The following MS4A10 variants were observed in gnomAD, a reference collection of about 807,000 sequenced individuals.
MS4A10 encodes the protein membrane spanning 4-domains A10.
In MS4A10, 27 loss-of-function variants were observed where a neutral mutation model predicts 27.7. The ratio of observed to expected loss-of-function variants is 0.98; its 90% confidence interval spans 0.72 to 1.35. MS4A10 has a LOEUF of 1.35. Among genes scored for constraint, MS4A10 ranks in the 40% most tolerant of loss-of-function variants. The pLI is 0.00. For missense variants in MS4A10, 338 were observed against 324.7 expected (o/e 1.04, Z -0.32); for synonymous variants, 139 against 131.2 (o/e 1.06, Z -0.41).
rs754544055 is a variant in MS4A10 at position 60,794,109 on chromosome 11, T to C, written c.492+6T>C. The C allele has an allele frequency of 1.2e-5, 19 of 1,613,852 alleles. No individual in the cohort carries two copies. The highest frequency in any genetic ancestry group is 1.6e-5 in the Non-Finnish European group (19 of 1,179,972). ...GAATGTACCCCAACTCCACGGTGAGTACCCAGGCCTGGAGGGCCCTCTGAC... is the reference window on the plus strand; with the variant it reads ...GAATGTACCCCAACTCCACGGTGAGCACCCAGGCCTGGAGGGCCCTCTGAC... On this transcript the variant is annotated splice_donor_region_variant and intron_variant, in intron 5 of 7. Transcript: ENST00000308287.
chr11:60,799,529 C>G (rs1362907978), intron 7 of MS4A10, among the ~76,000 whole-genome samples: 1 of 152,024 alleles, frequency 6.6e-6, no homozygotes, highest in Non-Finnish European at 1.5e-5. Context: ...GCAATTTTCC[C>G]CTCCAACCCC....
rs1305587908 is a variant in MS4A10, at chr11:60,799,871, A to G, written c.766A>G (p.Thr256Ala). Residue 256 changes from threonine to alanine, a missense_variant, in exon 8 of 8, where the codon ACT becomes GCT. By Grantham distance (58) the Thr-to-Ala change is moderately conservative. Coordinates refer to ENST00000308287, the MANE Select transcript of MS4A10 (RefSeq NM_206893.4). ...AGTTGCCCCGGACACATGGATAGTC[A>G]CTGACGGAGCTGCGATCTGGACCCA... Reference protein sequence around the residue: ...KQVAPDTWIVTDGAAIWTQTA... With the variant: ...KQVAPDTWIVADGAAIWTQTA... 1.2e-6 allele frequency: 2 copies of G among 1,611,942 alleles called. No individual in the cohort carries two copies. Among genetic ancestry groups the G allele is most frequent in the South Asian group, 2.2e-5 (2 of 90,790 alleles).
intron 6 of MS4A10, among the ~76,000 whole-genome samples, chr11:60,796,227 G>A (rs1421170533): frequency 7.4e-6 from 1 of 135,490 alleles, no homozygotes; most frequent in East Asian, 2.0e-4. Context: ...ATGTATGGAT[G>A]GATATAGACG....
intron 4 of MS4A10, 113 bp downstream of exon 4, chr11:60,792,434 C>T (rs940319629): frequency 5.0e-6 from 4 of 807,716 alleles, no homozygotes; most frequent in African/African-American, 1.7e-5. Context: ...TTGCTAAGAG[C>T]AGGCTCTTGC....
intron 7 of MS4A10, 145 bp downstream of exon 7, chr11:60,798,659 G>C: frequency 1.6e-6 from 1 of 639,144 alleles, no homozygotes; most frequent in Non-Finnish European, 2.7e-6. Flanking sequence ...TGGCCTGGGA[G>C]TGGTAGCCAA....
In MS4A10 at chr11:60,790,378, G is replaced by C. The variant is rs770722171; in HGVS notation, c.43G>C (p.Gly15Arg). 3.7e-6 allele frequency: 6 copies of C among 1,614,022 alleles called. No homozygotes were observed. The African/African-American group carries it at 6.7e-5, about 18-fold the overall frequency. ...ATVIPSRCARGLPSWQVLSPV... is the reference protein window; with the variant it reads ...ATVIPSRCARRLPSWQVLSPV... ...AGTTATTCCCAGCCGTTGTGCTAGG[G>C]GGCTCCCATCATGGCAAGTCCTCAG... Residue 15 changes from glycine (G) to arginine (R), a missense_variant, in exon 2 of 8, where the codon GGG becomes CGG. Coordinates refer to ENST00000308287, the MANE Select transcript of MS4A10 (RefSeq NM_206893.4).
chr11:60,793,665 G>C (rs1216302746), intron 4 of MS4A10, among the ~76,000 whole-genome samples: 1 of 152,222 alleles, frequency 6.6e-6, no homozygotes, highest in Non-Finnish European at 1.5e-5. Flanking sequence ...GCTTTGAGCA[G>C]GAAATGGCAA....
chr11:60,794,450 G>C (rs1462539256), intron 5 of MS4A10, among the ~76,000 whole-genome samples: 1 of 152,238 alleles, frequency 6.6e-6, no homozygotes, highest in South Asian at 2.1e-4. Flanking sequence ...TGGTGTGCCT[G>C]GTGGCCCCTG....
intron 6 of MS4A10, among the ~76,000 whole-genome samples, chr11:60,798,008 G>A (rs780173548): frequency 6.6e-5 from 10 of 152,240 alleles, no homozygotes; most frequent in Non-Finnish European, 1.3e-4. Flanking sequence ...AGGTGTGGCA[G>A]CAATCATTGG....
At chr11:60,790,058 C>T (rs1262649154) in intron 1 of MS4A10, among the ~76,000 whole-genome samples, 1 of 152,182 alleles carries the variant, frequency 6.6e-6, no homozygotes, top group Non-Finnish European at 1.5e-5. Context: ...GTGAAGTTTG[C>T]CTGGTCCTCA....
intron 1 of MS4A10, among the ~76,000 whole-genome samples, chr11:60,789,458 G>T (rs1025463572): frequency 6.6e-6 from 1 of 152,194 alleles, no homozygotes; most frequent in African/African-American, 2.4e-5. Context: ...TCTGCAGGTC[G>T]TGTGTCCAGC....
rs551196938 is a variant in MS4A10, at chr11:60,797,383, G to A, written c.604-1013G>A. Reference sequence around the variant, plus strand: ...ACCTGTATTACCCTACAGCTCTGGAGGTCAGCGGTTTGAAATGAGTCTCAA... The same window carrying A: ...ACCTGTATTACCCTACAGCTCTGGAAGTCAGCGGTTTGAAATGAGTCTCAA... On this transcript the variant is annotated intron_variant, in intron 6 of 7. Transcript: ENST00000308287. Among the ~76,000 whole-genome samples, 44 of 152,322 alleles carry A rather than the reference G, an allele frequency of 2.9e-4. 1 individual carries two copies. The South Asian group carries it at 6.8e-3, about 24-fold the overall frequency.
chr11:60,786,065 C>A (rs1207022764), intron 1 of MS4A10, among the ~76,000 whole-genome samples: 2 of 152,014 alleles, frequency 1.3e-5, no homozygotes, highest in Non-Finnish European at 2.9e-5. Context: ...AGGCACCCCA[C>A]CCCCAACACC....
At chr11:60,789,093 C>G (rs1854384778) in intron 1 of MS4A10, among the ~76,000 whole-genome samples, 1 of 152,146 alleles carries the variant, frequency 6.6e-6, no homozygotes, top group Admixed American at 6.5e-5. Flanking sequence ...GGCTATTTGT[C>G]CCTCCAAACT....
chr11:60,787,894 G>C (rs1027775994), intron 1 of MS4A10, among the ~76,000 whole-genome samples: 1 of 152,146 alleles, frequency 6.6e-6, no homozygotes, highest in African/African-American at 2.4e-5. Flanking sequence ...GCAGGTGCCT[G>C]TAATCCCAGT....
At chr11:60,798,791 A>T (rs1334177385) in intron 7 of MS4A10, among the ~76,000 whole-genome samples, 2 of 152,194 alleles carry the variant, frequency 1.3e-5, no homozygotes, top group African/African-American at 4.8e-5. Context: ...ACCAGGACCC[A>T]TCGCCTTCCC....
At position 60,799,899 on chromosome 11, in the gene MS4A10, C is replaced by T. The variant is rs1854603937; in HGVS notation, c.794C>T (p.Thr265Ile). The T allele has an allele frequency of 1.9e-6, 3 of 1,614,206 alleles. No individual in the cohort carries two copies. The highest frequency in any genetic ancestry group is 2.5e-6 in the Non-Finnish European group (3 of 1,180,022). The change falls in exon 8 of 8, where the codon ACT becomes ATT. Residue 265 changes from threonine (T) to isoleucine (I), a missense_variant. Thr to Ile is a moderately conservative substitution (Grantham distance 89). Transcript: ENST00000308287. Reference protein sequence around the residue: ...VTDGAAIWTQTAN With the variant: ...VTDGAAIWTQIAN The stretch of plus-strand genomic sequence containing the variant: ...GACGGAGCTGCGATCTGGACCCAGA[C>T]TGCAAACTGAAGAGCCACTGCCTGA...
At chr11:60,790,115 T>C (rs1417125192) in intron 1 of MS4A10, among the ~76,000 whole-genome samples, 199 bp from the exon 2 acceptor site, 1 of 152,196 alleles carries the variant, frequency 6.6e-6, no homozygotes, top group Non-Finnish European at 1.5e-5. Flanking sequence ...CCAGAAAGGC[T>C]GTGAGCAGCA....
chr11:60,793,632 C>A (rs551742347), intron 4 of MS4A10, among the ~76,000 whole-genome samples: 2 of 152,340 alleles, frequency 1.3e-5, no homozygotes, highest in East Asian at 3.9e-4. Flanking sequence ...CTTGGCATAG[C>A]TGATGTAGGA....
Sources: gnomAD v4.1 joint callset for allele counts (sites outside exome capture counted in the v4.1 genomes callset) on GRCh38, gnomAD v4.1.1 for gene constraint, MANE v1.5 for transcripts, NCBI Gene and HGNC (gene_info 2026-07-23, HGNC 2026-07-21) for gene names.